The following COL22A1 variants were observed in gnomAD, a reference collection of about 807,000 sequenced individuals.
The protein encoded by COL22A1 is collagen alpha-1(XXII) chain.
Under a neutral mutation model 248.9 loss-of-function variants are expected in COL22A1, and 221 were observed. The ratio of observed to expected loss-of-function variants is 0.89; its 90% CI spans 0.80 to 0.99. The LOEUF (loss-of-function observed/expected upper bound fraction) is 0.99, where lower values mean the gene tolerates loss of function less well. Ranked by LOEUF, COL22A1 falls within the 50% of genes least tolerant of loss-of-function variation. The pLI is 0.00. For synonymous variants in COL22A1, 891 were observed against 793.4 expected (o/e 1.12, Z -2.07); for missense variants, 2,240 against 2,179.0 (o/e 1.03, Z -0.56).
At chr8:138,629,287 G>C (rs1820514938) in intron 50 of COL22A1, among the ~76,000 whole-genome samples, 1 of 152,072 alleles carries the variant, frequency 6.6e-6, no homozygotes, top group Non-Finnish European at 1.5e-5. Context: ...CTCCCAAGTA[G>C]GTGGGATTAC....
At chr8:138,712,534 A>ATGTTCTATCAGCAAAGAGTACG (rs1829057456) in intron 30 of COL22A1, among the ~76,000 whole-genome samples, 1 of 85,614 alleles carries the variant, frequency 1.2e-5, no homozygotes, top group African/African-American at 4.0e-5. Context: ...CAGAGAGTAC[A>ATGTTCTATCAGCAAAGAGTACG]TGTTCTATCA....
chr8:138,784,767 C>T (rs561216679), intron 12 of COL22A1, among the ~76,000 whole-genome samples: 60 of 152,150 alleles, frequency 3.9e-4, no homozygotes, highest in Non-Finnish European at 7.2e-4. Context: ...ATGAAAGAGA[C>T]AGAATCATCA....
chr8:138,859,170 G>A (rs376374810), intron 3 of COL22A1, among the ~76,000 whole-genome samples: 53 of 152,312 alleles, frequency 3.5e-4, no homozygotes, highest in African/African-American at 9.6e-4. Context: ...TGCCAGCCAC[G>A]TTCTCCCATT....
intron 3 of COL22A1, among the ~76,000 whole-genome samples, chr8:138,851,156 G>A (rs1040110304): frequency 4.6e-5 from 7 of 152,196 alleles, no homozygotes; most frequent in Non-Finnish European, 8.8e-5. Context: ...GGGGCTTTGG[G>A]AGCGGGGACA....
Position 138,703,291 on chromosome 8 carries a change from A to G in COL22A1, c.2559+15T>C. ...GGAATTCAGAGGAGAAAGAATTAGA[A>G]GCGGAGTAACTTACAGTTCCAGGTA... On this transcript the variant is annotated intron_variant, in intron 31 of 64. Transcript: ENST00000303045. 1.2e-6 allele frequency: 2 copies of G among 1,609,954 alleles called. No homozygotes were observed. Among genetic ancestry groups the G allele is most frequent in the Non-Finnish European group, 1.7e-6 (2 of 1,176,186 alleles).
intron 15 of COL22A1, 40 bp downstream of exon 15, chr8:138,778,313 A>T: frequency 6.2e-7 from 1 of 1,610,132 alleles, no homozygotes; most frequent in Admixed American, 1.7e-5. Flanking sequence ...ATTCCTGGAG[A>T]AGGGGTAGAA....
chr8:138,684,779 G>A (rs1226010256), intron 38 of COL22A1, among the ~76,000 whole-genome samples: 1 of 152,188 alleles, frequency 6.6e-6, no homozygotes, highest in Non-Finnish European at 1.5e-5. Flanking sequence ...TCGTTTCAAA[G>A]CAGGCTTTGA....
chr8:138,826,816 G>A (rs904416398), intron 5 of COL22A1, 35 bp from the exon 6 acceptor site: 3 of 1,611,328 alleles, frequency 1.9e-6, no homozygotes, highest in Admixed American at 3.4e-5. Context: ...ACCAGGCTTG[G>A]CGATGAGAGC....
intron 47 of COL22A1, among the ~76,000 whole-genome samples, chr8:138,643,028 TA>T (rs113537470): frequency 0.12 from 16,084 of 130,408 alleles, 1,780 homozygotes; most frequent in African/African-American, 0.31. Context: ...GACTCTATCT[TA>T]AAAAAAAAAA....
intron 4 of COL22A1, among the ~76,000 whole-genome samples, chr8:138,840,630 C>T (rs1437204859): frequency 6.6e-6 from 1 of 152,136 alleles, no homozygotes; most frequent in Non-Finnish European, 1.5e-5. Context: ...CTCTGTCACC[C>T]AGGCTGGAGT....
intron 32 of COL22A1, among the ~76,000 whole-genome samples, chr8:138,695,239 C>T (rs1015972385): frequency 6.6e-6 from 1 of 152,162 alleles, no homozygotes; most frequent in Non-Finnish European, 1.5e-5. Flanking sequence ...CAGCTCAGAG[C>T]CTGGCACATG....
At chr8:138,665,137 G>C (rs539508109) in intron 41 of COL22A1, among the ~76,000 whole-genome samples, 2 of 152,280 alleles carry the variant, frequency 1.3e-5, no homozygotes, top group African/African-American at 4.8e-5. Context: ...TTTTAAGTGT[G>C]TATTTGGGCA....
intron 15 of COL22A1, among the ~76,000 whole-genome samples, chr8:138,777,250 G>A (rs1451852150): frequency 6.6e-6 from 1 of 152,206 alleles, no homozygotes; most frequent in Non-Finnish European, 1.5e-5. Context: ...CTTTGACCTA[G>A]AGAGAGTACA....
chr8:138,592,779 T>A (rs1335598012), intron 63 of COL22A1, among the ~76,000 whole-genome samples: 1 of 152,204 alleles, frequency 6.6e-6, no homozygotes. Flanking sequence ...CTGTCTTTTA[T>A]CTTTATTTGA....
At chr8:138,686,959 A>T (rs528702935) in intron 37 of COL22A1, among the ~76,000 whole-genome samples, 14 of 151,964 alleles carry the variant, frequency 9.2e-5, no homozygotes, top group Non-Finnish European at 1.6e-4. Context: ...ATTATTATTT[A>T]TTATTATTAT....
intron 16 of COL22A1, among the ~76,000 whole-genome samples, chr8:138,762,672 AGAGTC>A (rs1343139970): frequency 6.6e-6 from 1 of 152,162 alleles, no homozygotes. Flanking sequence ...CAGAACAACT[AGAGTC>A]ATCCCTCTGC....
At chr8:138,794,854 T>C (rs1036672101) in intron 12 of COL22A1, among the ~76,000 whole-genome samples, 1 of 151,972 alleles carries the variant, frequency 6.6e-6, no homozygotes, top group African/African-American at 2.4e-5. Context: ...GTACCTAAAA[T>C]AGTCAAATTC....
chr8:138,802,949 C>A lies in COL22A1; in HGVS notation c.1495-15G>T. 4.4e-6 allele frequency: 7 copies of A among 1,608,568 alleles called. No homozygotes were observed. Among genetic ancestry groups the A allele is most frequent in the Non-Finnish European group, 6.0e-6 (7 of 1,174,928 alleles). ...CCTATGTCTCCCTGAGGGGTTGAGA[C>A]CAGAGACAAGCATCAGATTAGGTTT... is the stretch of plus-strand genomic sequence containing the variant. On this transcript the variant is annotated splice_polypyrimidine_tract_variant and intron_variant, in intron 10 of 64. Transcript: ENST00000303045.
Position 138,751,500 on chromosome 8 carries a change from G to A in COL22A1, c.2043C>T (p.Gly681=). 1 of 1,611,882 alleles carries A rather than the reference G, an allele frequency of 6.2e-7. No homozygotes were observed. The highest frequency in any genetic ancestry group is 8.5e-7 in the Non-Finnish European group (1 of 1,178,648). The part of the protein sequence containing the change: ...PGPPGARGPI[G]PEGRDGPPGL... The stretch of plus-strand genomic sequence containing the variant: ...CAGGAGGTCCATCCCTGCCTTCTGG[G>A]CCTATTGGACCCTTTAGGAGGGAGA... The change falls in exon 22 of 65, where the codon GGC becomes GGT. Residue 681 remains glycine, a synonymous_variant. Transcript: ENST00000303045.
Sources: gnomAD v4.1 joint callset for allele counts (sites outside exome capture counted in the v4.1 genomes callset) on GRCh38, gnomAD v4.1.1 for gene constraint, MANE v1.5 for transcripts, NCBI Gene and HGNC (gene_info 2026-07-23, HGNC 2026-07-21) for gene names.